Variants in WDR70 observed in about 807,000 individuals in gnomAD.
WDR70 encodes the protein WD repeat domain 70.
In WDR70, 53 loss-of-function variants were observed where a neutral mutation model predicts 88.6. The observed-to-expected ratio is 0.60, with a 90% CI of 0.48 to 0.75. WDR70 has a LOEUF of 0.75. WDR70 is among the 30% of genes least tolerant of loss of function. The pLI is 0.00. For synonymous variants in WDR70, 280 were observed against 270.0 expected, an observed-to-expected ratio of 1.04 and a Z score of -0.36; for missense variants, 610 against 823.2, an observed-to-expected ratio of 0.74 and a Z score of 3.17.
chr5:37,512,848 G>C (rs746198560), intron 8 of WDR70, among the ~76,000 whole-genome samples: 15 of 152,056 alleles, frequency 9.9e-5, no homozygotes, highest in Non-Finnish European at 1.6e-4. Context: ...GCCTCCCAAA[G>C]AGCTGGGATT....
intron 5 of WDR70, among the ~76,000 whole-genome samples, chr5:37,432,462 C>T (rs946493364): frequency 6.6e-6 from 1 of 152,168 alleles, no homozygotes; most frequent in African/African-American, 2.4e-5. Context: ...GATCTCGGCT[C>T]ACTGCAACCT....
chr5:37,549,781 C>T (rs1742090330), intron 9 of WDR70, among the ~76,000 whole-genome samples: 1 of 152,000 alleles, frequency 6.6e-6, no homozygotes, highest in African/African-American at 2.4e-5. Flanking sequence ...GTCTGTCATA[C>T]ATGGCTTTTA....
intron 4 of WDR70, 22 bp downstream of exon 4, chr5:37,392,142 T>A (rs765149100): frequency 3.7e-6 from 6 of 1,600,506 alleles, no homozygotes; most frequent in Non-Finnish European, 5.1e-6. Flanking sequence ...TCAGAAAGAC[T>A]TCTATTAAAC....
At chr5:37,562,977 G>A (rs1277192259) in intron 9 of WDR70, among the ~76,000 whole-genome samples, 9 of 147,728 alleles carry the variant, frequency 6.1e-5, no homozygotes, top group East Asian at 2.0e-4. Flanking sequence ...CCTCCCAGAC[G>A]GGGTGGTGGC....
At chr5:37,514,418 G>A (rs2112251944) in intron 8 of WDR70, among the ~76,000 whole-genome samples, 1 of 130,074 alleles carries the variant, frequency 7.7e-6, no homozygotes, top group Non-Finnish European at 1.6e-5. Flanking sequence ...TAGGGTGCAT[G>A]TGCAGGATAT....
rs768999055 is a variant in WDR70, at chr5:37,749,363, C to T, written c.1878-3123C>T. 3.9e-5 allele frequency among the ~76,000 whole-genome samples: 6 copies of T among 152,194 alleles called. No individual in the cohort carries two copies. In the South Asian group the frequency reaches 8.3e-4, roughly 21 times the overall value. On this transcript the variant is annotated intron_variant, in intron 17 of 17. Coordinates refer to ENST00000265107, the MANE Select transcript of WDR70 (RefSeq NM_018034.4). ...AACTACACAGTAACAGAAAACCAAA[C>T]GCCTCATGTTCTCACTCATAAGTGG...
At chr5:37,669,841 A>C (rs555399528) in intron 10 of WDR70, among the ~76,000 whole-genome samples, 4 of 152,236 alleles carry the variant, frequency 2.6e-5, no homozygotes, top group Non-Finnish European at 4.4e-5. Flanking sequence ...TTTGGCAATA[A>C]AAAGAAATGA....
intron 10 of WDR70, among the ~76,000 whole-genome samples, chr5:37,634,298 CA>C (rs34755579): frequency 1.1e-3 from 114 of 106,010 alleles, no homozygotes; most frequent in African/African-American, 1.5e-3. Context: ...GACCCTGTCT[CA>C]AAAAAAAAAA....
Position 37,717,236 on chromosome 5 carries a change from T to C in WDR70, c.1417-3879T>C, listed in dbSNP as rs189516464. Among the ~76,000 whole-genome samples the C allele has an allele frequency of 1.8e-3, 276 of 152,350 alleles. 3 individuals are homozygous for C. The highest frequency in any genetic ancestry group is 6.4e-3 in the African/African-American group (268 of 41,590). On this transcript the variant is annotated intron_variant, in intron 13 of 17. Transcript: ENST00000265107. ...ACATGTTTTAGGAAATGAAGTAGAT[T>C]AGTGTAAGAATAAAACACTTTGTCA...
At chr5:37,536,802 G>A (rs572339779) in intron 9 of WDR70, among the ~76,000 whole-genome samples, 23 of 151,750 alleles carry the variant, frequency 1.5e-4, no homozygotes, top group South Asian at 4.2e-4. Context: ...TAGGAATTTT[G>A]TATTTTATTT....
intron 8 of WDR70, among the ~76,000 whole-genome samples, chr5:37,485,742 A>G (rs1049094616): frequency 2.0e-5 from 3 of 151,670 alleles, no homozygotes; most frequent in African/African-American, 7.3e-5. Context: ...CTCAGGCTGG[A>G]GTGCAGTGGT....
chr5:37,449,615 AAATAAAT>A (rs1561856951), intron 7 of WDR70, among the ~76,000 whole-genome samples: 103 of 44,358 alleles, frequency 2.3e-3, no homozygotes, highest in Non-Finnish European at 4.2e-3. Context: ...AAAAAATAAA[AAATAAAT>A]AAATAAATAA....
intron 10 of WDR70, among the ~76,000 whole-genome samples, chr5:37,631,963 C>T (rs1048540990): frequency 3.9e-5 from 6 of 152,144 alleles, no homozygotes; most frequent in Admixed American, 1.3e-4. Context: ...AAGATAATCT[C>T]CTGGTCCCCT....
chr5:37,550,269 A>G (rs1326492522), intron 9 of WDR70, among the ~76,000 whole-genome samples: 2 of 152,138 alleles, frequency 1.3e-5, no homozygotes, highest in Non-Finnish European at 1.5e-5. Context: ...ATTTCCACGT[A>G]TTTGTATAGT....
In WDR70 at chr5:37,722,935, G is replaced by A. The variant is rs1309964606; in HGVS notation, c.1597+1G>A. ...CTAACTCAGGACTACATCATCACCC[G>A]TAAGTCGTTAACATGCCTCTCAATC... On this transcript the variant is annotated splice_donor_variant, in intron 15 of 17. Transcript: ENST00000265107. LOFTEE classifies it high-confidence loss of function. The A allele has an allele frequency of 4.3e-6, 7 of 1,613,390 alleles. No individual in the cohort carries two copies. The highest frequency in any genetic ancestry group is 1.1e-5 in the South Asian group (1 of 91,062).
At chr5:37,636,463 A>G (rs867595596) in intron 10 of WDR70, among the ~76,000 whole-genome samples, 1 of 152,226 alleles carries the variant, frequency 6.6e-6, no homozygotes, top group Non-Finnish European at 1.5e-5. Flanking sequence ...CAGAATATTT[A>G]CATAGTTTCA....
intron 10 of WDR70, among the ~76,000 whole-genome samples, chr5:37,664,922 C>A (rs957298747): frequency 3.9e-5 from 6 of 152,178 alleles, no homozygotes; most frequent in Admixed American, 6.5e-5. Flanking sequence ...GTGCTGGATG[C>A]TGTGTCATAC....
chr5:37,643,133 A>G (rs1286550184), intron 10 of WDR70, among the ~76,000 whole-genome samples: 1 of 152,006 alleles, frequency 6.6e-6, no homozygotes, highest in Non-Finnish European at 1.5e-5. Context: ...CTTAGACTTA[A>G]GTCTTTAATT....
chr5:37,603,855 AGC>A (rs1743957051), intron 9 of WDR70, among the ~76,000 whole-genome samples: 1 of 152,204 alleles, frequency 6.6e-6, no homozygotes, highest in African/African-American at 2.4e-5. Flanking sequence ...ATACATCTTT[AGC>A]ATATCAAATT....
Sources: gnomAD v4.1 joint callset for allele counts (sites outside exome capture counted in the v4.1 genomes callset) on GRCh38, gnomAD v4.1.1 for gene constraint, MANE v1.5 for transcripts, NCBI Gene and HGNC (gene_info 2026-07-23, HGNC 2026-07-21) for gene names.